The following SAP130 variants were observed in gnomAD, a reference collection of about 807,000 sequenced individuals.
The protein encoded by SAP130 is histone deacetylase complex subunit SAP130.
A neutral mutation model predicts 103.2 loss-of-function variants in SAP130; 16 were observed. That is an observed-to-expected ratio of 0.16 (90% CI 0.10 to 0.24). The LOEUF (loss-of-function observed/expected upper bound fraction) is 0.24, where lower values mean the gene tolerates loss of function less well. Ranked by LOEUF, SAP130 falls within the 10% of genes least tolerant of loss-of-function variation. The probability of loss-of-function intolerance (pLI) is 1.00; values close to 1 mark genes in which losing one functional copy is unlikely to be tolerated. For synonymous variants in SAP130, 477 were observed against 497.0 expected, an observed-to-expected ratio of 0.96 and a Z score of 0.53; for missense variants, 990 against 1,359.7, an observed-to-expected ratio of 0.73 and a Z score of 4.28.
chr2:127,956,675 A>G (rs1029156910), intron 15 of SAP130, among the ~76,000 whole-genome samples: 14 of 146,954 alleles, frequency 9.5e-5, no homozygotes, highest in African/African-American at 3.3e-4. Flanking sequence ...CACATTGTGC[A>G]CATGTACCCT....
chr2:128,018,007 A>C (rs898575237), intron 2 of SAP130, 92 bp from the exon 3 acceptor site: 55 of 1,034,036 alleles, frequency 5.3e-5, no homozygotes, highest in Non-Finnish European at 6.7e-5. Context: ...GTTAAATCTC[A>C]GGATTGACAA....
chr2:128,004,361 C>CA (rs1683808303), intron 7 of SAP130, among the ~76,000 whole-genome samples: 1 of 75,998 alleles, frequency 1.3e-5, no homozygotes, highest in Non-Finnish European at 2.5e-5. Context: ...GCTTTCTTTC[C>CA]TTTTTTTTTT....
chr2:128,016,908 C>A (rs1471126649), intron 3 of SAP130, among the ~76,000 whole-genome samples: 1 of 152,190 alleles, frequency 6.6e-6, no homozygotes, highest in Non-Finnish European at 1.5e-5. Flanking sequence ...TGAAACACAA[C>A]CCCAAGGTAA....
chr2:128,001,935 T>G (rs1366415097), intron 7 of SAP130, among the ~76,000 whole-genome samples: 1 of 151,942 alleles, frequency 6.6e-6, no homozygotes, highest in East Asian at 1.9e-4. Flanking sequence ...AAAAAAACTT[T>G]TTTTTTTTTT....
intron 15 of SAP130, among the ~76,000 whole-genome samples, chr2:127,966,280 G>A (rs1306665353): frequency 1.3e-5 from 2 of 151,994 alleles, no homozygotes; most frequent in African/African-American, 4.8e-5. Context: ...GCGAGGTGGA[G>A]GTTGCAGTGA....
intron 7 of SAP130, among the ~76,000 whole-genome samples, chr2:128,007,821 A>G (rs1288008518): frequency 6.6e-6 from 1 of 152,168 alleles, no homozygotes; most frequent in Non-Finnish European, 1.5e-5. Flanking sequence ...TAGACACCTG[A>G]AGGCTTTCAT....
rs1678761650 is a variant in SAP130, at chr2:127,942,266, A to C, written c.3016-102T>G. 2 of 1,200,472 alleles carry C rather than the reference A, an allele frequency of 1.7e-6. No homozygotes were observed. Among genetic ancestry groups the C allele is most frequent in the Non-Finnish European group, 2.4e-6 (2 of 842,128 alleles). The allele number at this position is 1,200,472 out of a possible 1,614,324, so 74.4% of individuals were successfully genotyped here. Reference sequence around the variant, plus strand: ...GCAGAGGCCATGTTGAGGCTTCCACAACAGAGAAAATGTCTTTTTGTTTCT... The same window carrying C: ...GCAGAGGCCATGTTGAGGCTTCCACCACAGAGAAAATGTCTTTTTGTTTCT... On this transcript the variant is annotated intron_variant, in intron 20 of 20. Transcript: ENST00000643581. The surrounding 1 kb of genome is among the most constrained non-coding windows in gnomAD (Gnocchi z 4.8).
intron 15 of SAP130, among the ~76,000 whole-genome samples, chr2:127,966,320 G>A (rs966109845): frequency 3.3e-5 from 5 of 152,108 alleles, no homozygotes; most frequent in African/African-American, 1.2e-4. Context: ...ACTCCAGCCT[G>A]GGGGACAGAG....
chr2:128,013,827 G>A (rs1018722496), intron 5 of SAP130, among the ~76,000 whole-genome samples: 1 of 152,192 alleles, frequency 6.6e-6, no homozygotes, highest in African/African-American at 2.4e-5. Flanking sequence ...CCACTCAGGA[G>A]GCTAAAGTGG....
intron 15 of SAP130, among the ~76,000 whole-genome samples, chr2:127,962,440 G>A (rs1029841704): frequency 6.6e-6 from 1 of 152,184 alleles, no homozygotes; most frequent in African/African-American, 2.4e-5. Flanking sequence ...TATGTTTATA[G>A]CGGCACTATT....
intron 8 of SAP130, 50 bp from the exon 9 acceptor site, chr2:128,000,196 C>T (rs1191414136): frequency 6.2e-7 from 1 of 1,609,180 alleles, no homozygotes; most frequent in South Asian, 1.1e-5. Context: ...TCCACTGCGT[C>T]CAGGGTAAAC....
chr2:128,004,250 G>A (rs1216475700), intron 7 of SAP130, among the ~76,000 whole-genome samples: 5 of 150,660 alleles, frequency 3.3e-5, no homozygotes, highest in African/African-American at 9.7e-5. Context: ...TCCTCCTTTC[G>A]CAAAATTAGG....
In SAP130 at chr2:127,993,167, C is replaced by T; in HGVS notation, c.1477+20G>A. 4 of 1,613,210 alleles carry T rather than the reference C, an allele frequency of 2.5e-6. No homozygotes were observed. Among genetic ancestry groups the T allele is most frequent in the Non-Finnish European group, 2.5e-6 (3 of 1,179,608 alleles). The stretch of plus-strand genomic sequence containing the variant: ...CAAAAGTTAAACTGTGAAAAGTCAT[C>T]TAAAAAGCAGGGCTCATACCTGGAT... On this transcript the variant is annotated intron_variant, in intron 12 of 20. Transcript: ENST00000643581.
chr2:127,951,823 CCTT>C (rs1353912939), intron 16 of SAP130, among the ~76,000 whole-genome samples: 1 of 152,200 alleles, frequency 6.6e-6, no homozygotes, highest in Non-Finnish European at 1.5e-5. Context: ...CTACTTCACA[CCTT>C]CTTCTCCCTC....
At chr2:127,992,333 T>C (rs1252829565) in intron 12 of SAP130, among the ~76,000 whole-genome samples, 2 of 148,636 alleles carry the variant, frequency 1.3e-5, no homozygotes, top group African/African-American at 5.0e-5. Flanking sequence ...CAGACTGGAG[T>C]GCAGTGGCAC....
intron 7 of SAP130, among the ~76,000 whole-genome samples, chr2:128,006,919 T>G (rs1192601603): frequency 6.6e-6 from 1 of 152,254 alleles, no homozygotes; most frequent in African/African-American, 2.4e-5. Flanking sequence ...CATTAGGAAT[T>G]TATTGTAGTT....
intron 15 of SAP130, among the ~76,000 whole-genome samples, chr2:127,969,171 G>T (rs569395922): frequency 1.3e-5 from 2 of 152,252 alleles, no homozygotes; most frequent in African/African-American, 4.8e-5. Flanking sequence ...GGTTGGCGGG[G>T]GGAGAGGGAG....
intron 18 of SAP130, among the ~76,000 whole-genome samples, chr2:127,948,087 G>T (rs1255326453): frequency 6.6e-6 from 1 of 152,026 alleles, no homozygotes; most frequent in Non-Finnish European, 1.5e-5. Context: ...ACCACACCTG[G>T]CTTGTATGTA....
At chr2:127,960,587 C>T (rs1295944993) in intron 15 of SAP130, among the ~76,000 whole-genome samples, 1 of 152,134 alleles carries the variant, frequency 6.6e-6, no homozygotes, top group Non-Finnish European at 1.5e-5. Flanking sequence ...TATTGGATTT[C>T]CTTTTCAAAT....
Sources: gnomAD v4.1 joint callset for allele counts (sites outside exome capture counted in the v4.1 genomes callset) on GRCh38, gnomAD v4.1.1 for gene constraint, Gnocchi (gnomAD v3.1) non-coding constraint, MANE v1.5 for transcripts, NCBI Gene and HGNC (gene_info 2026-07-23, HGNC 2026-07-21) for gene names.